The following NRXN3 variants were observed in gnomAD, a reference collection of about 807,000 sequenced individuals.
NRXN3 encodes neurexin III.
A neutral mutation model predicts 137.6 loss-of-function variants in NRXN3; 32 were observed. The observed-to-expected ratio is 0.23, with a 90% CI of 0.18 to 0.31. NRXN3 has a LOEUF of 0.31. Among genes scored for constraint, NRXN3 ranks in the 10% least tolerant of loss-of-function variants. NRXN3 has a pLI of 1.00. For missense variants in NRXN3, 1,574 were observed against 2,062.5 expected (o/e 0.76, Z 4.59); for synonymous variants, 798 against 784.5 (o/e 1.02, Z -0.29).
intron 15 of NRXN3, among the ~76,000 whole-genome samples, chr14:79,442,448 A>G (rs1317641433): frequency 1.3e-5 from 2 of 152,228 alleles, no homozygotes; most frequent in Non-Finnish European, 2.9e-5. Flanking sequence ...TAAATTTATC[A>G]ACTGGTTATT....
intron 16 of NRXN3, among the ~76,000 whole-genome samples, chr14:79,633,931 C>G (rs2098381997): frequency 6.6e-6 from 1 of 152,100 alleles, no homozygotes; most frequent in Non-Finnish European, 1.5e-5. Context: ...CCATCTGACA[C>G]TTTCAGCACC....
At chr14:78,245,164 G>A (rs1213229508) in intron 2 of NRXN3, among the ~76,000 whole-genome samples, 2 of 152,092 alleles carry the variant, frequency 1.3e-5, no homozygotes, top group Non-Finnish European at 2.9e-5. Flanking sequence ...TCTCTTAGAC[G>A]GGTTTTATGT....
chr14:79,503,771 A>T (rs1449835790), intron 16 of NRXN3, among the ~76,000 whole-genome samples: 2 of 152,190 alleles, frequency 1.3e-5, no homozygotes, highest in East Asian at 3.9e-4. Flanking sequence ...CATATGGCAC[A>T]TTCAGTCTAG....
chr14:79,358,796 A>G (rs1397775171), intron 15 of NRXN3, among the ~76,000 whole-genome samples: 1 of 152,074 alleles, frequency 6.6e-6, no homozygotes, highest in African/African-American at 2.4e-5. Flanking sequence ...TTTGACCGTC[A>G]CATCCTTAGA....
chr14:78,709,544 C>T lies in NRXN3; in HGVS notation c.1549C>T (p.Leu517=). ...FFAVELLDGN[L]YLLLDMGSGT... ...TGCCGTGGAACTCCTCGATGGCAACCTGTACTTGCTGCTTGACATGGGCTC... is the reference window on the plus strand; with the variant it reads ...TGCCGTGGAACTCCTCGATGGCAACTTGTACTTGCTGCTTGACATGGGCTC... Residue 517 remains leucine, a synonymous_variant, in exon 7 of 21, where the codon CTG becomes TTG. Transcript: ENST00000335750. The T allele has an allele frequency of 1.2e-6, 2 of 1,614,058 alleles. No individual in the cohort carries two copies. Among genetic ancestry groups the T allele is most frequent in the Non-Finnish European group, 1.7e-6 (2 of 1,180,004 alleles).
At chr14:78,960,205 C>A (rs2099405391) in intron 11 of NRXN3, among the ~76,000 whole-genome samples, 1 of 152,080 alleles carries the variant, frequency 6.6e-6, no homozygotes, top group African/African-American at 2.4e-5. Context: ...TGGAAGAAAG[C>A]AGCCAGAAGG....
At chr14:78,814,206 A>G (rs2098924206) in intron 10 of NRXN3, among the ~76,000 whole-genome samples, 1 of 152,190 alleles carries the variant, frequency 6.6e-6, no homozygotes, top group South Asian at 2.1e-4. Context: ...GTATTTCTTA[A>G]TACACTTAAT....
chr14:78,700,796 C>A (rs1181649658), intron 6 of NRXN3, among the ~76,000 whole-genome samples: 3 of 150,190 alleles, frequency 2.0e-5, no homozygotes, highest in East Asian at 1.9e-4. Context: ...TTCTTTCTTT[C>A]TTTTTTTTTG....
intron 19 of NRXN3, among the ~76,000 whole-genome samples, chr14:79,797,936 A>T (rs2099165929): frequency 1.3e-5 from 2 of 152,078 alleles, no homozygotes; most frequent in African/African-American, 4.8e-5. Context: ...CTACAAAAAA[A>T]TAAAAATAAA....
At chr14:79,255,296 C>T (rs192645142) in intron 15 of NRXN3, among the ~76,000 whole-genome samples, 10 of 152,350 alleles carry the variant, frequency 6.6e-5, no homozygotes, top group Non-Finnish European at 1.2e-4. Flanking sequence ...TGTAAACCTT[C>T]TCCATAATAG....
At chr14:79,208,410 T>G (rs1406153709) in intron 15 of NRXN3, among the ~76,000 whole-genome samples, 1 of 152,234 alleles carries the variant, frequency 6.6e-6, no homozygotes, top group Non-Finnish European at 1.5e-5. Context: ...TTTTTTATTT[T>G]CTTGGCCAAA....
At chr14:79,433,618 A>G (rs566520408) in intron 15 of NRXN3, among the ~76,000 whole-genome samples, 2 of 152,196 alleles carry the variant, frequency 1.3e-5, no homozygotes, top group African/African-American at 4.8e-5. Flanking sequence ...TGCTCGTTTC[A>G]TATGTTCACG....
intron 20 of NRXN3, among the ~76,000 whole-genome samples, chr14:79,833,913 C>G (rs2099329897): frequency 6.6e-6 from 1 of 152,168 alleles, no homozygotes; most frequent in Admixed American, 6.5e-5. Context: ...TCTTTGCAAT[C>G]TGGAGCAACC....
At chr14:79,660,593 A>C (rs191982126) in intron 16 of NRXN3, among the ~76,000 whole-genome samples, 155 of 152,304 alleles carry the variant, frequency 1.0e-3, no homozygotes, top group African/African-American at 3.6e-3. Context: ...CTGCCCAAGA[A>C]TATATCTTGC....
chr14:79,092,533 TG>T (rs2049408249), intron 15 of NRXN3, among the ~76,000 whole-genome samples: 2 of 152,128 alleles, frequency 1.3e-5, no homozygotes, highest in Non-Finnish European at 2.9e-5. Flanking sequence ...TTTTAATAAA[TG>T]GTGTATACAG....
At chr14:78,189,299 C>T (rs1437112185) in intron 1 of NRXN3, among the ~76,000 whole-genome samples, 3 of 152,186 alleles carry the variant, frequency 2.0e-5, no homozygotes, top group African/African-American at 4.8e-5. Flanking sequence ...TTTGTTTCTC[C>T]ACTCAGCAGG....
At chr14:79,329,482 T>C (rs1186978264) in intron 15 of NRXN3, among the ~76,000 whole-genome samples, 1 of 152,204 alleles carries the variant, frequency 6.6e-6, no homozygotes, top group Non-Finnish European at 1.5e-5. Flanking sequence ...AAGCTTCACC[T>C]GGGTTTTGCA....
In NRXN3 at chr14:79,281,203, A is replaced by C. The variant is rs138642901; in HGVS notation, c.3263-186018A>C. On this transcript the variant is annotated intron_variant, in intron 15 of 20. Coordinates refer to ENST00000335750, the MANE Select transcript of NRXN3 (RefSeq NM_001330195.2). ...GCTATCAGAAAGGAAGCAATATGTA[A>C]GATAAGGCTAAGTTCATTTATAATT... Among the ~76,000 whole-genome samples, 337 of 152,320 alleles carry C rather than the reference A, an allele frequency of 2.2e-3. 2 individuals carry two copies. The highest frequency in any genetic ancestry group is 7.8e-3 in the African/African-American group (324 of 41,576).
At chr14:78,324,150 G>A (rs915045245) in intron 4 of NRXN3, among the ~76,000 whole-genome samples, 1 of 152,084 alleles carries the variant, frequency 6.6e-6, no homozygotes, top group Non-Finnish European at 1.5e-5. Context: ...ACTATGCTCT[G>A]CAGCCTTCAA....
Sources: allele counts gnomAD v4.1 joint callset (sites outside exome capture counted in the v4.1 genomes callset), GRCh38; gene constraint gnomAD v4.1.1; transcripts MANE v1.5; gene names NCBI Gene and HGNC (gene_info 2026-07-23, HGNC 2026-07-21).